MED27: variants seen among roughly 807,000 people sequenced by gnomAD.
MED27 encodes mediator complex subunit 27.
MED27 carries 30 observed loss-of-function variants against 38.2 expected under a neutral mutation model. The ratio of observed to expected loss-of-function variants is 0.79; its 90% CI spans 0.59 to 1.07. The LOEUF (loss-of-function observed/expected upper bound fraction) is 1.07. Among genes scored for constraint, MED27 ranks in the 50% least tolerant of loss-of-function variants. The pLI is 0.00. For missense variants in MED27, 289 were observed against 397.5 expected (o/e 0.73, Z 2.32); for synonymous variants, 122 against 153.5 (o/e 0.79, Z 1.52).
At chr9:132,045,340 G>A (rs1377695782) in intron 2 of MED27, among the ~76,000 whole-genome samples, 1 of 151,442 alleles carries the variant, frequency 6.6e-6, no homozygotes, top group East Asian at 1.9e-4. Flanking sequence ...TATGTATGGT[G>A]TACATACATA....
intron 3 of MED27, among the ~76,000 whole-genome samples, chr9:131,940,169 T>C (rs1830761199): frequency 6.6e-6 from 1 of 151,834 alleles, no homozygotes; most frequent in South Asian, 2.1e-4. Flanking sequence ...CCTCCCAAAG[T>C]GCTGGGATTA....
intron 2 of MED27, among the ~76,000 whole-genome samples, chr9:132,045,451 CACAG>C (rs1290862227): frequency 8.7e-4 from 126 of 144,730 alleles, no homozygotes; most frequent in Middle Eastern, 3.6e-3. Flanking sequence ...CACACACACA[CACAG>C]ACACACACCT....
At chr9:132,026,393 G>A (rs1266980048) in intron 2 of MED27, among the ~76,000 whole-genome samples, 1 of 152,222 alleles carries the variant, frequency 6.6e-6, no homozygotes, top group Non-Finnish European at 1.5e-5. Flanking sequence ...AACTGAAGTT[G>A]CTCAAGCCAG....
rs11243597 is a variant in MED27, at chr9:132,023,481, G to A, written c.349-9014C>T. 5.2e-3 allele frequency among the ~76,000 whole-genome samples: 789 copies of A among 152,314 alleles called. 5 individuals are homozygous for A. The highest frequency in any genetic ancestry group is 0.018 in the African/African-American group (762 of 41,566). Reference sequence around the variant, plus strand: ...CCTCCTAGTCCATTTAGATTTAGCTGGAGAGTTTATTTAGCTCTTCTTTAT... The same window carrying A: ...CCTCCTAGTCCATTTAGATTTAGCTAGAGAGTTTATTTAGCTCTTCTTTAT... On this transcript the variant is annotated intron_variant, in intron 2 of 7. Transcript: ENST00000292035.
chr9:131,900,022 C>T (rs911728369), intron 4 of MED27, among the ~76,000 whole-genome samples: 5 of 152,186 alleles, frequency 3.3e-5, no homozygotes, highest in Non-Finnish European at 7.3e-5. Flanking sequence ...GGTAATGAAG[C>T]GAGCTTGCTG....
chr9:131,867,805 C>G (rs1281742867), intron 6 of MED27, among the ~76,000 whole-genome samples: 1 of 152,220 alleles, frequency 6.6e-6, no homozygotes, highest in East Asian at 1.9e-4. Context: ...CACACAATCA[C>G]TGGGGGTCTT....
chr9:131,870,316 G>C (rs1345498758), intron 6 of MED27, among the ~76,000 whole-genome samples: 6 of 152,190 alleles, frequency 3.9e-5, no homozygotes, highest in Admixed American at 3.9e-4. Flanking sequence ...TGAGCTGTGT[G>C]ACCTTGGGCG....
intron 3 of MED27, among the ~76,000 whole-genome samples, chr9:131,972,541 A>G (rs539942926): frequency 1.4e-4 from 21 of 152,234 alleles, no homozygotes; most frequent in Non-Finnish European, 2.8e-4. Context: ...AGCCCTGTAT[A>G]CATTCACGTT....
At position 132,079,780 on chromosome 9, in the gene MED27, T is replaced by C. The variant is rs759646000; in HGVS notation, c.65A>G (p.Gln22Arg). Residue 22 changes from glutamine (Q) to arginine (R), a missense_variant, in exon 1 of 8, where the codon CAG becomes CGG. Transcript: ENST00000292035. ...EAFSQAISAIQALRSSVSRVF... is the reference protein window; with the variant it reads ...EAFSQAISAIRALRSSVSRVF... ...CCTGCTCACGCTGGAGCGCAGCGCC[T>C]GGATGGCACTAATGGCCTGGGAAAA... The C allele has an allele frequency of 3.8e-5, 62 of 1,614,018 alleles. No homozygotes were observed. The highest frequency in any genetic ancestry group is 5.3e-5 in the Non-Finnish European group (62 of 1,180,020).
intron 3 of MED27, among the ~76,000 whole-genome samples, chr9:131,983,244 ACCAT>A (rs1831778048): frequency 2.0e-5 from 3 of 152,202 alleles, no homozygotes; most frequent in Non-Finnish European, 4.4e-5. Context: ...GAAGAAAGCT[ACCAT>A]GGATTTTCCC....
chr9:132,014,352 A>C lies in MED27; in HGVS notation c.464T>G (p.Leu155Arg), dbSNP rs766690285. Residue 155 changes from leucine (L) to arginine (R), a missense_variant, in exon 3 of 8, where the codon CTT becomes CGT. Leu to Arg is a moderately radical substitution (Grantham distance 102). Transcript: ENST00000292035. The stretch of plus-strand genomic sequence containing the variant: ...CATCACTCACTGAGGTGGTAGGACA[A>C]GAGTTGTGGGCTGAGCCTTTGGTCT... ...KRRPKAQPTTLVLPPQYVDDV... is the reference protein window; with the variant it reads ...KRRPKAQPTTRVLPPQYVDDV... The C allele has an allele frequency of 6.2e-7, 1 of 1,612,514 alleles. No individual in the cohort carries two copies. The highest frequency in any genetic ancestry group is 8.5e-7 in the Non-Finnish European group (1 of 1,179,866).
chr9:132,028,636 T>C (rs1832880715), intron 2 of MED27, among the ~76,000 whole-genome samples: 1 of 152,224 alleles, frequency 6.6e-6, no homozygotes, highest in Admixed American at 6.5e-5. Context: ...ATACCTTCTT[T>C]GGACTTCATG....
rs763866371 is a variant in MED27, at chr9:132,003,520, CT to C, written c.479+10816del. 2.0e-5 allele frequency among the ~76,000 whole-genome samples: 3 copies of C among 152,132 alleles called. No individual in the cohort carries two copies. Among genetic ancestry groups the C allele is most frequent in the Non-Finnish European group, 4.4e-5 (3 of 68,014 alleles). ...GTGACAGTTGGGCCTGAAGGGTTGG[CT>C]AGAGCAAGGCTAGACGGGGAGGCAG... On this transcript the variant is annotated intron_variant, in intron 3 of 7. Transcript: ENST00000292035. The surrounding 1 kb of genome is among the most constrained non-coding windows in gnomAD (Gnocchi z 4.2).
At chr9:131,906,455 G>A (rs1390277767) in intron 4 of MED27, among the ~76,000 whole-genome samples, 3 of 152,264 alleles carry the variant, frequency 2.0e-5, no homozygotes, top group African/African-American at 7.2e-5. Context: ...CAGAAAGGAG[G>A]TCGGACAGGT....
At chr9:132,068,552 C>G (rs578225739) in intron 2 of MED27, among the ~76,000 whole-genome samples, 1 of 151,982 alleles carries the variant, frequency 6.6e-6, no homozygotes, top group East Asian at 1.9e-4. Flanking sequence ...CAGTACCAGT[C>G]AAGATGGAGA....
intron 5 of MED27, among the ~76,000 whole-genome samples, chr9:131,891,696 GAA>G (rs1479627982): frequency 6.6e-6 from 1 of 152,128 alleles, no homozygotes. Context: ...ATGGCAAAAA[GAA>G]AGAGAATCAT....
intron 3 of MED27, among the ~76,000 whole-genome samples, chr9:131,996,309 G>A (rs1589256011): frequency 6.6e-6 from 1 of 152,338 alleles, no homozygotes; most frequent in East Asian, 1.9e-4. Flanking sequence ...GCCTGAGAAA[G>A]GCACAGTGAT....
chr9:131,931,628 C>T lies in MED27; in HGVS notation c.573+7753G>A, dbSNP rs186369723. 5.3e-5 allele frequency among the ~76,000 whole-genome samples: 8 copies of T among 152,168 alleles called. No homozygotes were observed. The East Asian group carries it at 1.2e-3, about 22-fold the overall frequency. On this transcript the variant is annotated intron_variant, in intron 4 of 7. Coordinates refer to ENST00000292035, the MANE Select transcript of MED27 (RefSeq NM_004269.4). ...TGCCTACAAAAACAGCCTTCACCTA[C>T]AAAGATACATACAGACTGAAAATAA...
chr9:131,941,269 A>G (rs910713806), intron 3 of MED27, among the ~76,000 whole-genome samples: 2 of 152,258 alleles, frequency 1.3e-5, no homozygotes, highest in African/African-American at 4.8e-5. Flanking sequence ...ATGTCCGTTA[A>G]GTCAGGGACA....
Sources: gnomAD v4.1 joint callset for allele counts (sites outside exome capture counted in the v4.1 genomes callset) on GRCh38, gnomAD v4.1.1 for gene constraint, Gnocchi (gnomAD v3.1) non-coding constraint, MANE v1.5 for transcripts, NCBI Gene and HGNC (gene_info 2026-07-23, HGNC 2026-07-21) for gene names.